The following ASCC1 variants were observed in gnomAD, a reference collection of about 807,000 sequenced individuals.
The protein encoded by ASCC1 is ASC-1 complex subunit P50.
Under a neutral mutation model 46.6 loss-of-function variants are expected in ASCC1, and 35 were observed. That is an observed-to-expected ratio of 0.75 (90% CI 0.57 to 0.99). The LOEUF is 0.99. Among genes scored for constraint, ASCC1 ranks in the 50% least tolerant of loss-of-function variants. The pLI is 0.00. For synonymous variants in ASCC1, 143 were observed against 146.6 expected (o/e 0.98, Z 0.18); for missense variants, 376 against 428.7 (o/e 0.88, Z 1.09).
rs200695855 is a variant in ASCC1 at position 72,194,160 on chromosome 10, G to A, written c.489+2651C>T. Among the ~76,000 whole-genome samples, 56 of 151,828 alleles carry A rather than the reference G, an allele frequency of 3.7e-4. No individual in the cohort carries two copies. The East Asian group carries it at 9.3e-3, about 25-fold the overall frequency. ...CAGCCTCCCAAAGTGCTGGGATTAC[G>A]GGCATGAGCCCCTGCACCTGGCCTG... is the stretch of plus-strand genomic sequence containing the variant. On this transcript the variant is annotated intron_variant, in intron 5 of 9. Coordinates refer to ENST00000672957, the MANE Select transcript of ASCC1 (RefSeq NM_001198800.3).
intron 9 of ASCC1, among the ~76,000 whole-genome samples, chr10:72,114,055 G>A (rs893388025): frequency 6.6e-6 from 1 of 152,132 alleles, no homozygotes; most frequent in Non-Finnish European, 1.5e-5. Flanking sequence ...AGGCATAAAT[G>A]AAGCTGCCTT....
rs371863026 is a variant in ASCC1, at chr10:72,184,565, G to A, written c.489+12246C>T. Among the ~76,000 whole-genome samples, 68 of 152,126 alleles carry A rather than the reference G, an allele frequency of 4.5e-4. 1 individual carries two copies. In the East Asian group the frequency reaches 7.7e-3, roughly 17 times the overall value. On this transcript the variant is annotated intron_variant, in intron 5 of 9. Transcript: ENST00000672957. ...AACAAGGAACATTATCAGGAATAGAGAAAGATATTTCATAACTATAAAAGG... is the reference window on the plus strand; with the variant it reads ...AACAAGGAACATTATCAGGAATAGAAAAAGATATTTCATAACTATAAAAGG...
Position 72,203,497 on chromosome 10 carries a change from A to G in ASCC1, c.240T>C (p.Thr80=), listed in dbSNP as rs772354126. Residue 80 remains threonine, a synonymous_variant, in exon 4 of 10, where the codon ACT becomes ACC. Coordinates refer to ENST00000672957, the MANE Select transcript of ASCC1 (RefSeq NM_001198800.3). ...YKHIVGKRGD[T]RKKIEMETKT... The stretch of plus-strand genomic sequence containing the variant: ...TGGTCTCCATTTCTATTTTCTTCCT[A>G]GTGTCCCCTCTCTTTCCAACTATAT... 1.9e-6 allele frequency: 3 copies of G among 1,612,740 alleles called. No individual in the cohort carries two copies. Among genetic ancestry groups the G allele is most frequent in the Non-Finnish European group, 2.5e-6 (3 of 1,179,024 alleles).
Position 72,096,584 on chromosome 10 carries a change from A to G in ASCC1, c.*750T>C, listed in dbSNP as rs74725689. 1.1e-5 allele frequency: 5 copies of G among 453,938 alleles called. No homozygotes were observed. In the East Asian group the frequency reaches 3.5e-4, roughly 32 times the overall value. The allele number at this position is 453,938 out of a possible 1,614,324, so 28.1% of individuals were successfully genotyped here. Reference sequence around the variant, plus strand: ...TAAAACTCTGGGTGGTAAAGGAATTAAAGGCAGAGTCTCAAAGAGATATTT... The same window carrying G: ...TAAAACTCTGGGTGGTAAAGGAATTGAAGGCAGAGTCTCAAAGAGATATTT... On this transcript the variant is annotated 3_prime_UTR_variant, in exon 10 of 10. Coordinates refer to ENST00000672957, the MANE Select transcript of ASCC1 (RefSeq NM_001198800.3).
At chr10:72,125,223 C>G (rs986328060) in intron 9 of ASCC1, among the ~76,000 whole-genome samples, 2 of 152,034 alleles carry the variant, frequency 1.3e-5, no homozygotes, top group Non-Finnish European at 2.9e-5. Flanking sequence ...TGTTTTGTTT[C>G]TCTTTGAATA....
chr10:72,103,546 G>A (rs1842029165), intron 9 of ASCC1, among the ~76,000 whole-genome samples: 1 of 152,046 alleles, frequency 6.6e-6, no homozygotes. Flanking sequence ...TCAAAATGTG[G>A]CACCTTGGCA....
chr10:72,097,842 G>A (rs141289441), intron 9 of ASCC1, among the ~76,000 whole-genome samples: 2 of 152,296 alleles, frequency 1.3e-5, no homozygotes, highest in African/African-American at 2.4e-5. Flanking sequence ...CAGGGATCTC[G>A]GCTTTGTTGC....
intron 4 of ASCC1, 146 bp downstream of exon 4, chr10:72,203,279 TCC>T: frequency 1.5e-6 from 1 of 649,312 alleles, no homozygotes; most frequent in Non-Finnish European, 2.6e-6. Context: ...AGGGCAAAAC[TCC>T]GTCTCAAAAA....
At chr10:72,203,298 A>G in intron 4 of ASCC1, 129 bp downstream of exon 4, 2 of 792,996 alleles carry the variant, frequency 2.5e-6, no homozygotes, top group Non-Finnish European at 4.2e-6. Context: ...AAAAAAAAAA[A>G]AAAGAAAAGA....
upstream of ASCC1, chr10:72,217,046 T>C (rs975402669): frequency 2.2e-6 from 1 of 454,222 alleles, no homozygotes; most frequent in Admixed American, 2.3e-5. Context: ...CTGTCGTTTG[T>C]TCATCATTCA....
intron 9 of ASCC1, among the ~76,000 whole-genome samples, chr10:72,123,301 T>C (rs1844441304): frequency 6.8e-6 from 1 of 146,292 alleles, no homozygotes; most frequent in Non-Finnish European, 1.5e-5. Context: ...ATCGTGCCAC[T>C]GCACTCCAGC....
intron 9 of ASCC1, among the ~76,000 whole-genome samples, chr10:72,120,985 C>T (rs916430674): frequency 1.3e-5 from 2 of 152,120 alleles, no homozygotes; most frequent in African/African-American, 4.8e-5. Flanking sequence ...AAATACAAAA[C>T]AGTAACATAT....
At chr10:72,123,771 T>C (rs1322646570) in intron 9 of ASCC1, among the ~76,000 whole-genome samples, 4 of 152,228 alleles carry the variant, frequency 2.6e-5, no homozygotes, top group Non-Finnish European at 5.9e-5. Context: ...AGAAGTTAAT[T>C]GTGCTTTCGT....
chr10:72,190,017 A>T, intron 5 of ASCC1: 1 of 758,702 alleles, frequency 1.3e-6, no homozygotes, highest in South Asian at 1.3e-5. Context: ...CTGAGGGTCC[A>T]CTGCTGGCAG....
chr10:72,102,950 G>A, intron 9 of ASCC1: 1 of 445,538 alleles, frequency 2.2e-6, no homozygotes, highest in South Asian at 1.6e-5. Context: ...ACTCCAGCCT[G>A]GGCAACAAGG....
At position 72,097,038 on chromosome 10, in the gene ASCC1, T is replaced by TA. The variant is rs1841166484; in HGVS notation, c.*295dup. On this transcript the variant is annotated 3_prime_UTR_variant, in exon 10 of 10. Coordinates refer to ENST00000672957, the MANE Select transcript of ASCC1 (RefSeq NM_001198800.3). ...AGTTAACGTTACTGAACTGTGCACT[T>TA]AAAAATGGTGAAGACAGTATGTTTT... is the stretch of plus-strand genomic sequence containing the variant. 2.1e-6 allele frequency: 1 copy of TA among 470,630 alleles called. No homozygotes were observed. The highest frequency in any genetic ancestry group is 4.2e-6 in the Non-Finnish European group (1 of 237,838). 29.2% of individuals were successfully genotyped at this position (470,630 alleles called of 1,614,324 possible).
chr10:72,108,790 C>T (rs1184189806), intron 9 of ASCC1, among the ~76,000 whole-genome samples: 1 of 152,168 alleles, frequency 6.6e-6, no homozygotes, highest in Non-Finnish European at 1.5e-5. Flanking sequence ...TATTGTCACT[C>T]ACTGACTATA....
intron 5 of ASCC1, 114 bp downstream of exon 5, chr10:72,196,697 C>CT: frequency 1.8e-6 from 2 of 1,090,242 alleles, no homozygotes; most frequent in Non-Finnish European, 2.7e-6. Context: ...AAATAGTTAT[C>CT]TTTTTTGGTG....
intron 5 of ASCC1, among the ~76,000 whole-genome samples, chr10:72,165,363 G>A (rs368429671): frequency 1.2e-4 from 18 of 152,234 alleles, no homozygotes; most frequent in African/African-American, 3.4e-4. Context: ...TGATCCACCC[G>A]CCTCAGCCTC....
Sources: allele counts gnomAD v4.1 joint callset (sites outside exome capture counted in the v4.1 genomes callset), GRCh38; gene constraint gnomAD v4.1.1; transcripts MANE v1.5; gene names NCBI Gene and HGNC (gene_info 2026-07-23, HGNC 2026-07-21).